MAGI2: variants seen among roughly 807,000 people sequenced by gnomAD.
MAGI2 encodes the protein membrane associated guanylate kinase, WW and PDZ domain containing 2, also known as membrane-associated guanylate kinase, WW and PDZ domain-containing protein 2.
MAGI2 carries 35 observed loss-of-function variants against 133.3 expected under a neutral mutation model. That is an observed-to-expected ratio of 0.26 (90% CI 0.20 to 0.35). MAGI2 has a LOEUF of 0.35. Among genes scored for constraint, MAGI2 ranks in the 10% least tolerant of loss-of-function variants. The pLI is 1.00. For missense variants in MAGI2, 1,636 were observed against 1,863.4 expected, an observed-to-expected ratio of 0.88 and a Z score of 2.25; for synonymous variants, 729 against 710.6, an observed-to-expected ratio of 1.03 and a Z score of -0.41.
chr7:78,327,883 T>C (rs921331400), intron 9 of MAGI2, among the ~76,000 whole-genome samples: 3 of 152,178 alleles, frequency 2.0e-5, no homozygotes, highest in Non-Finnish European at 4.4e-5. Context: ...CCTGCCATCT[T>C]TGTATAACCT....
chr7:78,890,403 C>T (rs917886487), intron 2 of MAGI2, among the ~76,000 whole-genome samples: 1 of 152,190 alleles, frequency 6.6e-6, no homozygotes, highest in African/African-American at 2.4e-5. Context: ...GAACTCTCCA[C>T]CCCAAATTAA....
intron 2 of MAGI2, among the ~76,000 whole-genome samples, chr7:78,809,522 A>C (rs1464715985): frequency 9.2e-5 from 14 of 152,152 alleles, no homozygotes; most frequent in Admixed American, 9.2e-4. Context: ...GAGTCTATTT[A>C]ATTCTGGTAC....
At chr7:78,482,878 TACACACACACACAC>T (rs3086358) in intron 6 of MAGI2, among the ~76,000 whole-genome samples, 41 of 89,952 alleles carry the variant, frequency 4.6e-4, no homozygotes, top group African/African-American at 1.2e-3. Flanking sequence ...CACATGGAAC[TACACACACACACAC>T]ACACACACAC....
intron 1 of MAGI2, among the ~76,000 whole-genome samples, chr7:79,332,342 A>T (rs1283250744): frequency 1.3e-5 from 2 of 152,238 alleles, no homozygotes; most frequent in African/African-American, 2.4e-5. Flanking sequence ...TTGCGTAAGC[A>T]ACTGCAATAA....
chr7:78,587,108 GC>G (rs1803500773), intron 3 of MAGI2, among the ~76,000 whole-genome samples: 1 of 152,126 alleles, frequency 6.6e-6, no homozygotes, highest in Admixed American at 6.6e-5. Flanking sequence ...AAGTGAAATT[GC>G]TGGATTGTTT....
chr7:79,136,012 A>C, intron 1 of MAGI2, among the ~76,000 whole-genome samples: 1 of 130,944 alleles, frequency 7.6e-6, no homozygotes, highest in South Asian at 2.5e-4. Flanking sequence ...AGAGAAAGAA[A>C]GAAAGAAAGA....
At chr7:79,315,894 G>A (rs976634645) in intron 1 of MAGI2, among the ~76,000 whole-genome samples, 4 of 146,572 alleles carry the variant, frequency 2.7e-5, no homozygotes, top group Non-Finnish European at 4.7e-5. Flanking sequence ...TAAAATGAAG[G>A]AGGAGTGGGA....
chr7:78,724,447 C>T (rs1820567232), intron 2 of MAGI2, among the ~76,000 whole-genome samples: 1 of 152,300 alleles, frequency 6.6e-6, no homozygotes, highest in Admixed American at 6.5e-5. Flanking sequence ...GGAGCAGAAG[C>T]TTTCAAGTCG....
intron 21 of MAGI2, among the ~76,000 whole-genome samples, chr7:78,046,320 TGAGCCCG>T (rs1208169670): frequency 1.3e-5 from 2 of 151,672 alleles, no homozygotes; most frequent in Admixed American, 1.3e-4. Flanking sequence ...CAGAATCGCT[TGAGCCCG>T]GGAGGTGGAG....
chr7:79,400,651 G>C (rs1296608795), intron 1 of MAGI2, among the ~76,000 whole-genome samples: 1 of 152,034 alleles, frequency 6.6e-6, no homozygotes, highest in African/African-American at 2.4e-5. Context: ...GTAACTCCTA[G>C]TACTTTTAAA....
At chr7:78,891,099 C>A (rs1300158843) in intron 2 of MAGI2, among the ~76,000 whole-genome samples, 5 of 152,170 alleles carry the variant, frequency 3.3e-5, no homozygotes, top group Non-Finnish European at 7.3e-5. Flanking sequence ...ACTATAAACA[C>A]CTCTATGCAA....
At chr7:78,481,393 T>TG (rs778611121) in intron 6 of MAGI2, among the ~76,000 whole-genome samples, 3 of 151,962 alleles carry the variant, frequency 2.0e-5, no homozygotes, top group Non-Finnish European at 4.4e-5. Flanking sequence ...GAGAACAGCA[T>TG]GGGGCAAACT....
At chr7:79,237,869 TTTGA>T (rs1295629131) in intron 1 of MAGI2, among the ~76,000 whole-genome samples, 1 of 152,212 alleles carries the variant, frequency 6.6e-6, no homozygotes, top group Non-Finnish European at 1.5e-5. Context: ...TACATATGCC[TTTGA>T]TTGAATCTCT....
rs562406523 is a variant in MAGI2, at chr7:79,231,923, T to TG, written c.301+221096dup. On this transcript the variant is annotated intron_variant, in intron 1 of 21. Transcript: ENST00000354212. ...TTTGCCCATTCAGTATGATGCTGGC[T>TG]GTGGGTTTGTCATAGACAGCTCTTA... Among the ~76,000 whole-genome samples, 22 of 152,328 alleles carry TG rather than the reference T, an allele frequency of 1.4e-4. No homozygotes were observed. In the East Asian group the frequency reaches 4.1e-3, roughly 28 times the overall value.
intron 9 of MAGI2, among the ~76,000 whole-genome samples, chr7:78,292,112 G>A (rs1378785823): frequency 6.6e-6 from 1 of 152,102 alleles, no homozygotes; most frequent in Non-Finnish European, 1.5e-5. Flanking sequence ...GAAATACAGG[G>A]TATTCAATTA....
intron 1 of MAGI2, among the ~76,000 whole-genome samples, chr7:79,127,045 A>G (rs1255319527): frequency 2.7e-5 from 4 of 150,270 alleles, no homozygotes; most frequent in Non-Finnish European, 4.4e-5. Flanking sequence ...GTGAGAACAC[A>G]TGGTGTTTGG....
chr7:78,403,010 T>A lies in MAGI2; in HGVS notation c.1046-33797A>T, dbSNP rs111343781. 6.1e-3 allele frequency among the ~76,000 whole-genome samples: 935 copies of A among 152,280 alleles called. 11 individuals carry two copies. Among genetic ancestry groups the A allele is most frequent in the African/African-American group, 0.021 (886 of 41,556 alleles). On this transcript the variant is annotated intron_variant, in intron 6 of 21. Transcript: ENST00000354212. Reference sequence around the variant, plus strand: ...TAAACAATCAAATTAACTTTTTTTTTAAAATTATACTTCAAGTCCTGGGAT... The same window carrying A: ...TAAACAATCAAATTAACTTTTTTTTAAAAATTATACTTCAAGTCCTGGGAT...
At chr7:78,517,029 C>T (rs547167220) in intron 4 of MAGI2, among the ~76,000 whole-genome samples, 2 of 152,154 alleles carry the variant, frequency 1.3e-5, no homozygotes, top group African/African-American at 4.8e-5. Flanking sequence ...GTGATGCTGT[C>T]CAGTGGGCAG....
intron 4 of MAGI2, among the ~76,000 whole-genome samples, chr7:78,502,527 A>T (rs1267004253): frequency 6.6e-6 from 1 of 152,196 alleles, no homozygotes; most frequent in Non-Finnish European, 1.5e-5. Context: ...TAAGATAGAG[A>T]GAGAGAAAGA....
Sources: gnomAD v4.1 joint callset for allele counts (sites outside exome capture counted in the v4.1 genomes callset) on GRCh38, gnomAD v4.1.1 for gene constraint, MANE v1.5 for transcripts, NCBI Gene and HGNC (gene_info 2026-07-23, HGNC 2026-07-21) for gene names.